CSMD2: variants seen among roughly 807,000 people sequenced by gnomAD.
The protein encoded by CSMD2 is CUB and sushi domain-containing protein 2.
A neutral mutation model predicts 398.5 loss-of-function variants in CSMD2; 130 were observed. The ratio of observed to expected loss-of-function variants is 0.33; its 90% CI spans 0.28 to 0.38. The LOEUF is 0.38. Ranked by LOEUF, CSMD2 falls within the 10% of genes least tolerant of loss-of-function variation. The pLI, the probability that CSMD2 is intolerant of heterozygous loss-of-function variation, is 1.00. For missense variants in CSMD2, 3,829 were observed against 4,764.9 expected, an observed-to-expected ratio of 0.80 and a Z score of 5.78; for synonymous variants, 1,828 against 1,908.5, an observed-to-expected ratio of 0.96 and a Z score of 1.10.
intron 5 of CSMD2, among the ~76,000 whole-genome samples, chr1:33,872,579 A>G (rs1450414197): frequency 2.0e-5 from 3 of 152,146 alleles, no homozygotes; most frequent in African/African-American, 7.2e-5. Context: ...TCAGGTTGAA[A>G]AGTTTAGTTC....
At chr1:33,664,690 C>T (rs889681614) in intron 25 of CSMD2, among the ~76,000 whole-genome samples, 3 of 151,946 alleles carry the variant, frequency 2.0e-5, no homozygotes, top group Non-Finnish European at 4.4e-5. Context: ...GTAGTCCCAG[C>T]TACTTGGGAG....
chr1:33,740,500 G>A (rs898572121), intron 14 of CSMD2, among the ~76,000 whole-genome samples: 1 of 152,226 alleles, frequency 6.6e-6, no homozygotes, highest in Non-Finnish European at 1.5e-5. Context: ...CTTGCTAGAG[G>A]CAAGAGGCCT....
chr1:33,677,875 G>A (rs370178935), intron 25 of CSMD2, among the ~76,000 whole-genome samples: 15 of 146,304 alleles, frequency 1.0e-4, no homozygotes, highest in African/African-American at 2.5e-4. Flanking sequence ...ACCAAACACC[G>A]CATGTTCTCA....
At chr1:34,135,107 G>A (rs912677700) in intron 1 of CSMD2, among the ~76,000 whole-genome samples, 4 of 152,144 alleles carry the variant, frequency 2.6e-5, no homozygotes, top group South Asian at 2.1e-4. Context: ...TGATGTACTC[G>A]AAAATGTAGC....
At chr1:33,912,411 A>AC (rs11333660) in intron 5 of CSMD2, among the ~76,000 whole-genome samples, 2 of 146,858 alleles carry the variant, frequency 1.4e-5, no homozygotes, top group African/African-American at 5.0e-5. Flanking sequence ...CGCATCATAC[A>AC]CCCCCCCACA....
At chr1:34,116,368 C>T (rs922841662) in intron 1 of CSMD2, among the ~76,000 whole-genome samples, 6 of 151,708 alleles carry the variant, frequency 4.0e-5, no homozygotes, top group Non-Finnish European at 7.4e-5. Flanking sequence ...AAAAAATATA[C>T]ATTAAATCAA....
intron 1 of CSMD2, among the ~76,000 whole-genome samples, chr1:34,138,642 A>G (rs1200844999): frequency 6.6e-6 from 1 of 152,172 alleles, no homozygotes; most frequent in Non-Finnish European, 1.5e-5. Context: ...TTATTTCTTT[A>G]GGGTAAATTC....
At chr1:33,943,181 A>T (rs1194330733) in intron 3 of CSMD2, among the ~76,000 whole-genome samples, 3 of 152,224 alleles carry the variant, frequency 2.0e-5, no homozygotes, top group Non-Finnish European at 2.9e-5. Flanking sequence ...ATTAATTTTT[A>T]AAAAAAGGAA....
intron 13 of CSMD2, among the ~76,000 whole-genome samples, chr1:33,768,872 T>C (rs530404286): frequency 8.0e-4 from 122 of 152,278 alleles, no homozygotes; most frequent in East Asian, 1.7e-3. Flanking sequence ...ATTTCACACA[T>C]ATACTATACA....
intron 19 of CSMD2, among the ~76,000 whole-genome samples, chr1:33,720,924 C>T (rs978509320): frequency 6.6e-6 from 1 of 152,100 alleles, no homozygotes; most frequent in African/African-American, 2.4e-5. Context: ...TGGCCTCGAA[C>T]TCCCAACCTC....
At chr1:33,607,539 T>C (rs1368891156) in intron 41 of CSMD2, among the ~76,000 whole-genome samples, 1 of 152,104 alleles carries the variant, frequency 6.6e-6, no homozygotes, top group African/African-American at 2.4e-5. Context: ...AGTGTGGGCT[T>C]ATGGTCAGGG....
Position 33,518,389 on chromosome 1 carries a change from ATGTG to A in CSMD2, c.*53+1072_*53+1075del, listed in dbSNP as rs3043318. 1.1e-4 allele frequency among the ~76,000 whole-genome samples: 16 copies of A among 150,522 alleles called. No individual in the cohort carries two copies. Among genetic ancestry groups the A allele is most frequent in the South Asian group, 4.2e-4 (2 of 4,748 alleles). On this transcript the variant is annotated intron_variant, in intron 70 of 70. Coordinates refer to ENST00000373381, the MANE Select transcript of CSMD2 (RefSeq NM_001281956.2). The surrounding 1 kb of genome is among the most constrained non-coding windows in gnomAD (Gnocchi z 4.3). ...TGCATGCCTGTGTGCATGTATGCGT[ATGTG>A]TGTGTGTGTGTGTGCATGACCGTGT...
intron 1 of CSMD2, among the ~76,000 whole-genome samples, chr1:34,147,154 A>G (rs1291235198): frequency 2.0e-5 from 3 of 152,118 alleles, no homozygotes; most frequent in Middle Eastern, 3.2e-3. Flanking sequence ...GCTACTCGGG[A>G]GGCTGAGGCA....
rs149898991 is a variant in CSMD2, at chr1:33,627,776, C to G, written c.5201-1195G>C. 8.3e-4 allele frequency among the ~76,000 whole-genome samples: 127 copies of G among 152,278 alleles called. 1 individual carries two copies. The East Asian group carries it at 0.017, about 20-fold the overall frequency. On this transcript the variant is annotated intron_variant, in intron 32 of 70. Coordinates refer to ENST00000373381, the MANE Select transcript of CSMD2 (RefSeq NM_001281956.2). ...AAGAAACTCATGAAGGCAAAGCATC[C>G]CTTTGATATCACTGCCATCTCCAAC...
intron 25 of CSMD2, among the ~76,000 whole-genome samples, chr1:33,677,377 C>A (rs1482190646): frequency 1.3e-5 from 2 of 152,262 alleles, no homozygotes; most frequent in South Asian, 2.1e-4. Context: ...TCATCACTGG[C>A]CATCAGAGAA....
chr1:33,869,505 AGTGGTTCTCAGCTTTAAGCCTGT>A (rs1270294200), intron 5 of CSMD2, among the ~76,000 whole-genome samples: 1 of 152,336 alleles, frequency 6.6e-6, no homozygotes, highest in East Asian at 1.9e-4. Context: ...CCAAAAGGCC[AGTGGTTCTCAGCTTTAAGCCTGT>A]GTTAGAATCA....
intron 3 of CSMD2, among the ~76,000 whole-genome samples, chr1:34,007,546 G>A (rs999347619): frequency 6.6e-6 from 1 of 152,136 alleles, no homozygotes; most frequent in Non-Finnish European, 1.5e-5. Context: ...TCCCTGGAAA[G>A]CAATTTGAAG....
At chr1:34,040,069 T>C (rs1293768880) in intron 2 of CSMD2, among the ~76,000 whole-genome samples, 1 of 152,064 alleles carries the variant, frequency 6.6e-6, no homozygotes, top group Non-Finnish European at 1.5e-5. Context: ...GGGGCTTAAG[T>C]GGTCCCAGCT....
At chr1:33,921,844 T>C (rs1469152824) in intron 4 of CSMD2, among the ~76,000 whole-genome samples, 1 of 152,094 alleles carries the variant, frequency 6.6e-6, no homozygotes, top group African/African-American at 2.4e-5. Flanking sequence ...CCCATAGTAA[T>C]GGATGAAAGA....
Sources: allele counts gnomAD v4.1 joint callset (sites outside exome capture counted in the v4.1 genomes callset), GRCh38; gene constraint gnomAD v4.1.1; non-coding constraint Gnocchi (gnomAD v3.1); transcripts MANE v1.5; gene names NCBI Gene and HGNC (gene_info 2026-07-23, HGNC 2026-07-21).